The following GPC6 variants were observed in gnomAD, a reference collection of about 807,000 sequenced individuals.
GPC6 encodes the protein glypican 6, also known as glypican-6.
Under a neutral mutation model 55.2 loss-of-function variants are expected in GPC6, and 14 were observed. That is an observed-to-expected ratio of 0.25 (90% CI 0.17 to 0.40). GPC6 has a LOEUF of 0.40. Among genes scored for constraint, GPC6 ranks in the 10% least tolerant of loss-of-function variants. The pLI is 1.00. For missense variants in GPC6, 641 were observed against 708.5 expected, an observed-to-expected ratio of 0.90 and a Z score of 1.08; for synonymous variants, 278 against 259.6, an observed-to-expected ratio of 1.07 and a Z score of -0.68.
At chr13:94,328,457 C>T (rs1211988331) in intron 6 of GPC6, among the ~76,000 whole-genome samples, 1 of 152,198 alleles carries the variant, frequency 6.6e-6, no homozygotes, top group Non-Finnish European at 1.5e-5. Flanking sequence ...GGAAAAGCCA[C>T]ACGAAGACTT....
At chr13:93,527,085 A>C (rs960938144) in intron 1 of GPC6, among the ~76,000 whole-genome samples, 12 of 152,012 alleles carry the variant, frequency 7.9e-5, no homozygotes, top group African/African-American at 2.9e-4. Context: ...AATTATTTAG[A>C]GTTTTTTTAT....
At chr13:93,900,240 C>T (rs1295368653) in intron 3 of GPC6, among the ~76,000 whole-genome samples, 3 of 152,032 alleles carry the variant, frequency 2.0e-5, no homozygotes, top group Non-Finnish European at 4.4e-5. Context: ...GAATGAATGG[C>T]TTCATGAATC....
chr13:94,110,129 G>A (rs1458434473), intron 4 of GPC6, among the ~76,000 whole-genome samples: 3 of 151,426 alleles, frequency 2.0e-5, no homozygotes, highest in African/African-American at 7.3e-5. Context: ...CATAGGAAGA[G>A]CATCTGCAGA....
At chr13:93,358,240 A>G (rs968185955) in intron 1 of GPC6, among the ~76,000 whole-genome samples, 3 of 152,066 alleles carry the variant, frequency 2.0e-5, no homozygotes, top group African/African-American at 7.2e-5. Flanking sequence ...CAGCACTCAA[A>G]GGCTGTGGTG....
At chr13:93,868,358 T>G (rs1889033041) in intron 3 of GPC6, among the ~76,000 whole-genome samples, 1 of 151,838 alleles carries the variant, frequency 6.6e-6, no homozygotes, top group South Asian at 2.1e-4. Flanking sequence ...TATAGTTATA[T>G]CTCCTTATGC....
intron 3 of GPC6, among the ~76,000 whole-genome samples, chr13:93,890,861 A>G (rs1473358446): frequency 6.6e-6 from 1 of 151,752 alleles, no homozygotes; most frequent in East Asian, 1.9e-4. Flanking sequence ...GTGCTAAGAT[A>G]TATTTGCCAT....
intron 4 of GPC6, among the ~76,000 whole-genome samples, chr13:94,231,514 C>G (rs1890727868): frequency 6.6e-6 from 1 of 152,098 alleles, no homozygotes; most frequent in Non-Finnish European, 1.5e-5. Context: ...TGCCCACCAA[C>G]AAGATACAAA....
intron 4 of GPC6, among the ~76,000 whole-genome samples, chr13:94,178,445 A>C (rs1476320384): frequency 6.6e-6 from 1 of 152,228 alleles, no homozygotes; most frequent in Non-Finnish European, 1.5e-5. Flanking sequence ...TGTAATATTA[A>C]ACAGTGATTT....
At chr13:93,953,377 A>C (rs1879354926) in intron 3 of GPC6, among the ~76,000 whole-genome samples, 1 of 152,056 alleles carries the variant, frequency 6.6e-6, no homozygotes, top group Admixed American at 6.6e-5. Flanking sequence ...TGGGGTTTTC[A>C]GTCCATCTTT....
chr13:94,384,570 G>A (rs968545401), intron 7 of GPC6, among the ~76,000 whole-genome samples: 1 of 152,204 alleles, frequency 6.6e-6, no homozygotes, highest in African/African-American at 2.4e-5. Context: ...AAGGCCATGG[G>A]CGAAGTTAGG....
intron 1 of GPC6, among the ~76,000 whole-genome samples, chr13:93,488,540 G>A (rs1254654822): frequency 2.0e-5 from 3 of 152,124 alleles, no homozygotes; most frequent in African/African-American, 4.8e-5. Flanking sequence ...TTGAGGAGTC[G>A]CCACACTGTC....
intron 2 of GPC6, among the ~76,000 whole-genome samples, chr13:93,629,820 T>G (rs909802965): frequency 6.6e-6 from 1 of 152,228 alleles, no homozygotes; most frequent in African/African-American, 2.4e-5. Context: ...TTTTCTTTCT[T>G]GACAAGAGTA....
chr13:93,930,274 G>GGTTTTTTTTTTTTTTT, intron 3 of GPC6, among the ~76,000 whole-genome samples: 1 of 43,280 alleles, frequency 2.3e-5, no homozygotes, highest in East Asian at 4.8e-4. Context: ...GGAAACGAAA[G>GGTTTTTTTTTTTTTTT]GTTTTTTTTT....
chr13:93,919,365 T>A (rs1877450492), intron 3 of GPC6, among the ~76,000 whole-genome samples: 1 of 152,224 alleles, frequency 6.6e-6, no homozygotes, highest in Non-Finnish European at 1.5e-5. Flanking sequence ...CAAGTGCCTT[T>A]TCAATCTATA....
At chr13:93,769,116 T>A (rs891649640) in intron 2 of GPC6, among the ~76,000 whole-genome samples, 15 of 152,158 alleles carry the variant, frequency 9.9e-5, no homozygotes, top group Non-Finnish European at 1.9e-4. Flanking sequence ...CTTACAATCT[T>A]TTTCTCAGGG....
In GPC6 at chr13:93,567,576, G is replaced by T. The variant is rs181931772; in HGVS notation, c.319+22155G>T. ...CTGACCTCATGATCTGCCCGCCTCG[G>T]CCTCCCAAAGCACTGGGATTACAGG... is the stretch of plus-strand genomic sequence containing the variant. On this transcript the variant is annotated intron_variant, in intron 2 of 8. Transcript: ENST00000377047. Among the ~76,000 whole-genome samples, 16 of 151,992 alleles carry T rather than the reference G, an allele frequency of 1.1e-4. 1 individual carries two copies. In the East Asian group the frequency reaches 1.2e-3, roughly 11 times the overall value.
rs116532994 is a variant in GPC6, at chr13:94,248,641, A to G, written c.878-37708A>G. 6.9e-3 allele frequency among the ~76,000 whole-genome samples: 1,044 copies of G among 152,098 alleles called. 17 individuals carry two copies. The highest frequency in any genetic ancestry group is 0.024 in the African/African-American group (987 of 41,504). ...CTCTAGTCACCAAAAAAATTTCCAT[A>G]CAACTGCTGATATCCCCATGACCAT... is the stretch of plus-strand genomic sequence containing the variant. On this transcript the variant is annotated intron_variant, in intron 4 of 8. Coordinates refer to ENST00000377047, the MANE Select transcript of GPC6 (RefSeq NM_005708.5).
At chr13:94,106,166 A>G (rs916518970) in intron 4 of GPC6, among the ~76,000 whole-genome samples, 1 of 145,112 alleles carries the variant, frequency 6.9e-6, no homozygotes. Flanking sequence ...CCCACGACCA[A>G]GAGTTATCCA....
At chr13:93,301,784 C>T (rs749806935) in intron 1 of GPC6, among the ~76,000 whole-genome samples, 2 of 152,180 alleles carry the variant, frequency 1.3e-5, no homozygotes, top group Non-Finnish European at 2.9e-5. Context: ...CATCCCAAGA[C>T]ATGCCTTGAC....
Sources: gnomAD v4.1 joint callset for allele counts (sites outside exome capture counted in the v4.1 genomes callset) on GRCh38, gnomAD v4.1.1 for gene constraint, MANE v1.5 for transcripts, NCBI Gene and HGNC (gene_info 2026-07-23, HGNC 2026-07-21) for gene names.